CR1: variants seen among roughly 807,000 people sequenced by gnomAD.
CR1 encodes complement C3b/C4b receptor 1 (Knops blood group).
CR1 carries 116 observed loss-of-function variants against 187.3 expected under a neutral mutation model. The observed-to-expected ratio is 0.62, with a 90% CI of 0.53 to 0.72. The LOEUF (loss-of-function observed/expected upper bound fraction) is 0.72. Among genes scored for constraint, CR1 ranks in the 30% least tolerant of loss-of-function variants. The pLI is 0.00. For synonymous variants in CR1, 576 were observed against 747.1 expected, an observed-to-expected ratio of 0.77 and a Z score of 3.73; for missense variants, 1,731 against 2,110.7, an observed-to-expected ratio of 0.82 and a Z score of 3.52.
chr1:207,640,861 G>A lies in CR1; in HGVS notation c.*1452G>A, dbSNP rs1662964453. 1 of 152,120 alleles carries A rather than the reference G, an allele frequency of 6.6e-6. No homozygotes were observed. Among genetic ancestry groups the A allele is most frequent in the Non-Finnish European group, 1.5e-5 (1 of 68,032 alleles). The allele number at this position is 152,120 out of a possible 1,614,324, so 9.4% of individuals were successfully genotyped here. A position where few individuals can be genotyped will look rare whatever the true frequency, so the allele number is the denominator to read the frequency against. ...ACATTTACTTTGACAGCAGTATAAG[G>A]AGTGAGATAGACATGAACCTGAATT... is the stretch of plus-strand genomic sequence containing the variant. On this transcript the variant is annotated 3_prime_UTR_variant, in exon 47 of 47. Coordinates refer to ENST00000367049, the MANE Select transcript of CR1 (RefSeq NM_000651.6).
chr1:207,611,663 T>C lies in CR1; in HGVS notation c.6296-14T>C. The C allele has an allele frequency of 1.2e-6, 2 of 1,613,518 alleles. No homozygotes were observed. The highest frequency in any genetic ancestry group is 2.2e-5 in the East Asian group (1 of 44,884). ...CCATATCTAACAAGTGCTCTGGAAC[T>C]GTCCTTTCCACAGTGTGTCAGCCGC... On this transcript the variant is annotated splice_polypyrimidine_tract_variant and intron_variant, in intron 37 of 46. Coordinates refer to ENST00000367049, the MANE Select transcript of CR1 (RefSeq NM_000651.6).
At chr1:207,505,552 CA>C (rs1659400667) in intron 1 of CR1, among the ~76,000 whole-genome samples, 2 of 152,042 alleles carry the variant, frequency 1.3e-5, no homozygotes, top group Admixed American at 1.3e-4. Flanking sequence ...ATGGGAATTT[CA>C]ACAGGGTCAC....
chr1:207,504,980 T>C (rs140026654), intron 1 of CR1, among the ~76,000 whole-genome samples: 1,733 of 152,250 alleles, frequency 0.011, 34 homozygotes, highest in African/African-American at 0.04. Context: ...ACTGTGCATA[T>C]GAGGGATCTA....
Position 207,575,640 on chromosome 1 carries a change from C to T in CR1, c.4497C>T (p.Gly1499=). Reference sequence around the variant, plus strand: ...CATCTGCTGAATGTATCCTCTCAGGCAATACTGCCCATTGGAGCACGAAGC... The same window carrying T: ...CATCTGCTGAATGTATCCTCTCAGGTAATACTGCCCATTGGAGCACGAAGC... The part of the protein sequence containing the change: ...GHSSAECILS[G]NTAHWSTKPP... The change falls in exon 28 of 47, where the codon GGC becomes GGT. Residue 1499 remains glycine, a synonymous_variant. Transcript: ENST00000367049. 6.2e-7 allele frequency: 1 copy of T among 1,611,842 alleles called. No homozygotes were observed. Among genetic ancestry groups the T allele is most frequent in the Non-Finnish European group, 8.5e-7 (1 of 1,179,692 alleles).
In CR1 at chr1:207,622,992, G is replaced by C. The variant is rs1227226011; in HGVS notation, c.7277-1G>C. The C allele has an allele frequency of 6.4e-7, 1 of 1,566,932 alleles. No individual in the cohort carries two copies. ...TTTAATTACCTTGTTTTACTGCCTA[G>C]GCACTTTATCTGGTACGATCTTCTT... On this transcript the variant is annotated splice_acceptor_variant, in intron 44 of 46. Transcript: ENST00000367049. LOFTEE classifies it high-confidence loss of function.
chr1:207,503,323 A>G (rs952239896), intron 1 of CR1, among the ~76,000 whole-genome samples: 3 of 152,156 alleles, frequency 2.0e-5, no homozygotes, highest in Non-Finnish European at 4.4e-5. Context: ...ACTATATACC[A>G]TTCTCTTTTT....
At chr1:207,587,360 G>A (rs776820322) in intron 33 of CR1, 26 bp from the exon 34 acceptor site, 1 of 1,590,336 alleles carries the variant, frequency 6.3e-7, no homozygotes, top group South Asian at 1.1e-5. Context: ...TGCTAACTTT[G>A]ATATTCCTGT....
In CR1 at chr1:207,641,186, A is replaced by G. The variant is rs1214547269; in HGVS notation, c.*1777A>G. On this transcript the variant is annotated 3_prime_UTR_variant, in exon 47 of 47. Transcript: ENST00000367049. Reference sequence around the variant, plus strand: ...TTATTTCTTGGGATTTTGAAGAAGTAATTTTTAAAGGAGGACTAGAAACTA... The same window carrying G: ...TTATTTCTTGGGATTTTGAAGAAGTGATTTTTAAAGGAGGACTAGAAACTA... The G allele has an allele frequency of 6.6e-6, 1 of 152,192 alleles. No homozygotes were observed. Among genetic ancestry groups the G allele is most frequent in the Non-Finnish European group, 1.5e-5 (1 of 68,042 alleles). The allele number at this position is 152,192 out of a possible 1,614,324, so 9.4% of individuals were successfully genotyped here.
In CR1 at chr1:207,506,093, T is replaced by C; in HGVS notation, c.301+10T>C. On this transcript the variant is annotated intron_variant, in intron 2 of 46. Transcript: ENST00000367049. Reference sequence around the variant, plus strand: ...AAGGACAGGTGCAGACGTAAGTAACTCTGGAGTGGGAACCCCCCTGTTAGT... The same window carrying C: ...AAGGACAGGTGCAGACGTAAGTAACCCTGGAGTGGGAACCCCCCTGTTAGT... The C allele has an allele frequency of 6.2e-7, 1 of 1,610,200 alleles. No homozygotes were observed. The highest frequency in any genetic ancestry group is 1.1e-5 in the South Asian group (1 of 90,306).
In CR1 at chr1:207,578,159, A is replaced by G. The variant is rs764041246; in HGVS notation, c.4892A>G (p.Gln1631Arg). 6.2e-7 allele frequency: 1 copy of G among 1,611,848 alleles called. No homozygotes were observed. Among genetic ancestry groups the G allele is most frequent in the South Asian group, 1.1e-5 (1 of 90,986 alleles). Residue 1631 changes from glutamine to arginine, a missense_variant, in exon 29 of 47, where the codon CAG becomes CGG. Gln to Arg is a conservative substitution (Grantham distance 43, BLOSUM62 1). Coordinates refer to ENST00000367049, the MANE Select transcript of CR1 (RefSeq NM_000651.6). ...AAAGGACCCCGCCGTGTGAAGTGCC[A>G]GGCCCTGAACAAATGGGAGCCAGAG... is the stretch of plus-strand genomic sequence containing the variant. ...VMKGPRRVKC[Q>R]ALNKWEPELP...
chr1:207,616,655 G>T lies in CR1; in HGVS notation c.6742G>T (p.Glu2248Ter), dbSNP rs753153189. ...CTTTGGAGATATTCCCTATGGAAAAGAAATATCTTACGCATGCGACACCCA... is the reference window on the plus strand; with the variant it reads ...CTTTGGAGATATTCCCTATGGAAAATAAATATCTTACGCATGCGACACCCA... ...TPFGDIPYGK[E>*]ISYACDTHPD... Residue 2248 changes from glutamate to a stop codon, truncating the protein, a stop_gained, in exon 41 of 47, where the codon GAA becomes TAA. Transcript: ENST00000367049. LOFTEE classifies it high-confidence loss of function. The T allele has an allele frequency of 2.5e-6, 4 of 1,613,884 alleles. No homozygotes were observed. Among genetic ancestry groups the T allele is most frequent in the South Asian group, 1.1e-5 (1 of 91,076 alleles).
intron 33 of CR1, 77 bp downstream of exon 33, chr1:207,584,953 T>C (rs1661068976): frequency 6.4e-7 from 1 of 1,573,358 alleles, no homozygotes; most frequent in African/African-American, 1.4e-5. Flanking sequence ...GTAATAAGAC[T>C]ATGGTATTTG....
chr1:207,619,569 C>T (rs1046857467), intron 42 of CR1, among the ~76,000 whole-genome samples: 1 of 152,104 alleles, frequency 6.6e-6, no homozygotes, highest in African/African-American at 2.4e-5. Flanking sequence ...CACAGCGTGA[C>T]CCCAGTGGCT....
At chr1:207,578,504 A>G (rs1235575784) in intron 29 of CR1, among the ~76,000 whole-genome samples, 2 of 152,100 alleles carry the variant, frequency 1.3e-5, no homozygotes, top group Non-Finnish European at 1.5e-5. Context: ...AATTATATGG[A>G]CTTTCTCTAT....
chr1:207,522,458 A>G (rs1231651366), intron 4 of CR1, among the ~76,000 whole-genome samples: 1 of 152,206 alleles, frequency 6.6e-6, no homozygotes, highest in Non-Finnish European at 1.5e-5. Context: ...ACTTCATGAG[A>G]AAATCAAAAG....
At chr1:207,498,270 C>T (rs970346694) in intron 1 of CR1, among the ~76,000 whole-genome samples, 4 of 152,072 alleles carry the variant, frequency 2.6e-5, no homozygotes, top group African/African-American at 7.2e-5. Context: ...GCAGGATCAC[C>T]GAAAAGCGAG....
At chr1:207,601,794 C>T (rs1043672539) in intron 35 of CR1, among the ~76,000 whole-genome samples, 2 of 151,386 alleles carry the variant, frequency 1.3e-5, no homozygotes, top group African/African-American at 4.9e-5. Context: ...TACAGGAGTC[C>T]TTTATATGTT....
At chr1:207,524,224 CT>C (rs1467438374) in intron 5 of CR1, among the ~76,000 whole-genome samples, 1 of 152,070 alleles carries the variant, frequency 6.6e-6, no homozygotes, top group African/African-American at 2.4e-5. Flanking sequence ...TATGATGTTT[CT>C]TTGGGGTTCT....
At chr1:207,524,084 T>C in intron 5 of CR1, 75 bp downstream of exon 5, 1 of 1,611,448 alleles carries the variant, frequency 6.2e-7, no homozygotes, top group Non-Finnish European at 8.5e-7. Context: ...TAGTATTTGT[T>C]CAGGGGGAGG....
Sources: gnomAD v4.1 joint callset for allele counts (sites outside exome capture counted in the v4.1 genomes callset) on GRCh38, gnomAD v4.1.1 for gene constraint, MANE v1.5 for transcripts, NCBI Gene and HGNC (gene_info 2026-07-23, HGNC 2026-07-21) for gene names.